The following EPS8 variants were observed in gnomAD, a reference collection of about 807,000 sequenced individuals.
The protein encoded by EPS8 is EGFR pathway substrate 8, signaling adaptor.
Under a neutral mutation model 103.8 loss-of-function variants are expected in EPS8, and 42 were observed. That is an observed-to-expected ratio of 0.40 (90% CI 0.32 to 0.52). The LOEUF (loss-of-function observed/expected upper bound fraction) is 0.52. EPS8 is among the 20% of genes least tolerant of loss of function. The pLI, the probability that EPS8 is intolerant of heterozygous loss-of-function variation, is 0.40. For missense variants in EPS8, 969 were observed against 1,005.1 expected, an observed-to-expected ratio of 0.96 and a Z score of 0.49; for synonymous variants, 344 against 344.6, an observed-to-expected ratio of 1.00 and a Z score of 0.02.
In EPS8 at chr12:15,781,385, G is replaced by C. The variant is rs1463390466; in HGVS notation, c.-22+7776C>G. ...AGGGCAGCACAACCAAGTGGAAAGGGCATGGATTTTGGAGTCAGGTCAGGG... is the reference window on the plus strand; with the variant it reads ...AGGGCAGCACAACCAAGTGGAAAGGCCATGGATTTTGGAGTCAGGTCAGGG... On this transcript the variant is annotated intron_variant, in intron 1 of 20. Coordinates refer to ENST00000281172, the MANE Select transcript of EPS8 (RefSeq NM_004447.6). The surrounding 1 kb of genome is among the most constrained non-coding windows in gnomAD (Gnocchi z 4.1). Among the ~76,000 whole-genome samples, 3 of 152,256 alleles carry C rather than the reference G, an allele frequency of 2.0e-5. No homozygotes were observed. Among genetic ancestry groups the C allele is most frequent in the South Asian group, 4.1e-4 (2 of 4,822 alleles).
rs1946318641 is a variant in EPS8 at position 15,702,120 on chromosome 12, G to A, written c.-21-19148C>T. ...CATTTCTCTGCCGTGCAGATTATTA[G>A]GAGGCAGTATAAGAAGAACAAATTT... On this transcript the variant is annotated intron_variant, in intron 1 of 20. Coordinates refer to ENST00000281172, the MANE Select transcript of EPS8 (RefSeq NM_004447.6). The surrounding 1 kb of genome is among the most constrained non-coding windows in gnomAD (Gnocchi z 5.1). 6.6e-6 allele frequency among the ~76,000 whole-genome samples: 1 copy of A among 152,192 alleles called. No individual in the cohort carries two copies. Among genetic ancestry groups the A allele is most frequent in the African/African-American group, 2.4e-5 (1 of 41,458 alleles).
rs150660450 is a variant in EPS8 at position 15,735,437 on chromosome 12, C to T, written c.-21-52465G>A. Reference sequence around the variant, plus strand: ...TGAAGGATCAAATATTGTCTTATGGCGCATCCCACGTTAATGCTACTTGAC... The same window carrying T: ...TGAAGGATCAAATATTGTCTTATGGTGCATCCCACGTTAATGCTACTTGAC... On this transcript the variant is annotated intron_variant, in intron 1 of 20. Transcript: ENST00000281172. The surrounding 1 kb of genome is among the most constrained non-coding windows in gnomAD (Gnocchi z 4.4). Among the ~76,000 whole-genome samples the T allele has an allele frequency of 2.7e-3, 413 of 152,124 alleles. 4 individuals carry two copies. The highest frequency in any genetic ancestry group is 8.3e-3 in the African/African-American group (346 of 41,482).
At chr12:15,640,552 C>A in intron 17 of EPS8, 151 bp downstream of exon 17, 1 of 573,544 alleles carries the variant, frequency 1.7e-6, no homozygotes, top group Non-Finnish European at 2.9e-6. Context: ...GTGTCTCTCA[C>A]CATTGCCACT....
intron 9 of EPS8, among the ~76,000 whole-genome samples, chr12:15,661,770 G>A (rs989942971): frequency 6.6e-6 from 1 of 152,162 alleles, no homozygotes; most frequent in Non-Finnish European, 1.5e-5. Flanking sequence ...TTCAGCCTAA[G>A]TTCCAATGTA....
At chr12:15,753,098 G>A (rs1473781436) in intron 1 of EPS8, among the ~76,000 whole-genome samples, 1 of 151,288 alleles carries the variant, frequency 6.6e-6, no homozygotes, top group Non-Finnish European at 1.5e-5. Context: ...CTCTGGACAG[G>A]GCCACAGCAG....
chr12:15,769,275 TTA>T lies in EPS8; in HGVS notation c.-22+19884_-22+19885del, dbSNP rs1169664766. 1.1e-4 allele frequency among the ~76,000 whole-genome samples: 16 copies of T among 152,190 alleles called. No homozygotes were observed. The highest frequency in any genetic ancestry group is 1.9e-4 in the Non-Finnish European group (13 of 68,026). On this transcript the variant is annotated intron_variant, in intron 1 of 20. Transcript: ENST00000281172. This position sits in a 1 kb window ranked among gnomAD's most constrained non-coding sequence, Gnocchi z 4.6. Reference sequence around the variant, plus strand: ...AATAAGAGATACAATCAGGCAAATATTATATGTCATTCTTTCATTATTAACAT... The same window carrying T: ...AATAAGAGATACAATCAGGCAAATATTATGTCATTCTTTCATTATTAACAT...
chr12:15,683,130 TATAGATGAAC>T (rs1434122590), intron 1 of EPS8, 158 bp from the exon 2 acceptor site: 11 of 446,762 alleles, frequency 2.5e-5, no homozygotes, highest in South Asian at 2.2e-4. Flanking sequence ...GCCCCAGAGG[TATAGATGAAC>T]ATTTAAACAA....
chr12:15,746,914 C>T (rs765917642), intron 1 of EPS8, among the ~76,000 whole-genome samples: 5 of 152,148 alleles, frequency 3.3e-5, no homozygotes, highest in African/African-American at 1.2e-4. Flanking sequence ...TAGTGCCCTA[C>T]TAACTAGTTC....
At chr12:15,768,721 T>G (rs1565536982) in intron 1 of EPS8, among the ~76,000 whole-genome samples, 1 of 152,140 alleles carries the variant, frequency 6.6e-6, no homozygotes, top group Non-Finnish European at 1.5e-5. Flanking sequence ...AAAACTTTTT[T>G]TCCTATCCCA....
chr12:15,631,800 C>G, intron 17 of EPS8, 136 bp from the exon 18 acceptor site: 1 of 652,568 alleles, frequency 1.5e-6, no homozygotes, highest in Non-Finnish European at 2.6e-6. Flanking sequence ...ATCTGTAATC[C>G]TATATGGTAT....
chr12:15,656,659 G>A (rs539456868), intron 12 of EPS8, among the ~76,000 whole-genome samples: 3 of 152,196 alleles, frequency 2.0e-5, no homozygotes, highest in South Asian at 4.2e-4. Context: ...CAGGGCTCAA[G>A]CAGTCCTTGG....
intron 1 of EPS8, among the ~76,000 whole-genome samples, chr12:15,742,063 A>G (rs1266969416): frequency 1.3e-5 from 2 of 152,184 alleles, no homozygotes; most frequent in African/African-American, 2.4e-5. Flanking sequence ...TTATGGCTGC[A>G]TAGTATTCCA....
chr12:15,743,544 G>A (rs959353782), intron 1 of EPS8, among the ~76,000 whole-genome samples: 6 of 152,152 alleles, frequency 3.9e-5, no homozygotes, highest in Admixed American at 2.6e-4. Flanking sequence ...AAACAGCATG[G>A]TACTGGTACC....
chr12:15,685,279 T>C (rs776350495), intron 1 of EPS8, among the ~76,000 whole-genome samples: 2 of 152,052 alleles, frequency 1.3e-5, no homozygotes, highest in Non-Finnish European at 2.9e-5. Context: ...GTCAGTAAAA[T>C]AGAGATAATT....
chr12:15,687,444 A>C (rs1946111377), intron 1 of EPS8, among the ~76,000 whole-genome samples: 1 of 152,146 alleles, frequency 6.6e-6, no homozygotes, highest in Non-Finnish European at 1.5e-5. Context: ...TATGCCTTTA[A>C]GTCAACACAA....
At position 15,660,822 on chromosome 12, in the gene EPS8, G is replaced by GT. The variant is rs546287051; in HGVS notation, c.811-83dup. The GT allele has an allele frequency of 1.5e-4, 118 of 813,792 alleles. 1 individual carries two copies. The African/African-American group carries it at 1.7e-3, about 11-fold the overall frequency. The allele number at this position is 813,792 out of a possible 1,614,324, so 50.4% of individuals were successfully genotyped here. On this transcript the variant is annotated intron_variant, in intron 9 of 20. Transcript: ENST00000281172. ...TACTCTGTTAGTAAATAATAGAAAG[G>GT]TTTTTTTAGAAAAGGAAGCAGCCCA...
Position 15,631,644 on chromosome 12 carries a change from GCCATA to G in EPS8, c.1837_1841del (p.Tyr613ProfsTer5). 1.9e-6 allele frequency: 3 copies of G among 1,613,230 alleles called. No individual in the cohort carries two copies. The highest frequency in any genetic ancestry group is 2.5e-6 in the Non-Finnish European group (3 of 1,179,566). Reference sequence around the variant, plus strand: ...CAGGGGGAGTATCAGCTGGTCTTGGGCCATACTCCATCCTTTGTTTCTATAAAAAG... The same window carrying G: ...CAGGGGGAGTATCAGCTGGTCTTGGGCTCCATCCTTTGTTTCTATAAAAAG... On this transcript the variant is annotated frameshift_variant, in exon 18 of 21. Coordinates refer to ENST00000281172, the MANE Select transcript of EPS8 (RefSeq NM_004447.6). LOFTEE classifies it high-confidence loss of function.
At chr12:15,723,157 A>G (rs1337297739) in intron 1 of EPS8, among the ~76,000 whole-genome samples, 1 of 152,086 alleles carries the variant, frequency 6.6e-6, no homozygotes, top group African/African-American at 2.4e-5. Context: ...AAAAAATACA[A>G]AAACTTAGCT....
intron 3 of EPS8, among the ~76,000 whole-genome samples, chr12:15,677,480 C>T (rs77414161): frequency 3.9e-5 from 6 of 152,156 alleles, no homozygotes; most frequent in Non-Finnish European, 7.4e-5. Context: ...GTGGTCAGTG[C>T]GTAAAAAACA....
Sources: allele counts gnomAD v4.1 joint callset (sites outside exome capture counted in the v4.1 genomes callset), GRCh38; gene constraint gnomAD v4.1.1; non-coding constraint Gnocchi (gnomAD v3.1); transcripts MANE v1.5; gene names NCBI Gene and HGNC (gene_info 2026-07-23, HGNC 2026-07-21).